SMR3A: variants seen among roughly 807,000 people sequenced by gnomAD.
The protein encoded by SMR3A is submaxillary gland androgen-regulated protein 3A.
For synonymous variants in SMR3A, 48 were observed against 57.4 expected, an observed-to-expected ratio of 0.84 and a Z score of 0.74; for missense variants, 188 against 163.0, an observed-to-expected ratio of 1.15 and a Z score of -0.84.
chr4:70,365,029 C>G (rs925722975), intron 2 of SMR3A, among the ~76,000 whole-genome samples: 4 of 151,984 alleles, frequency 2.6e-5, no homozygotes, highest in South Asian at 2.1e-4. Context: ...TCCAAGCAAC[C>G]TGGAGTTCTT....
At chr4:70,362,636 T>A (rs1226750289) in intron 2 of SMR3A, among the ~76,000 whole-genome samples, 1 of 151,828 alleles carries the variant, frequency 6.6e-6, no homozygotes, top group Non-Finnish European at 1.5e-5. Context: ...GAGGAAATAA[T>A]AAACATTTAT....
In SMR3A at chr4:70,366,656, C is replaced by T; in HGVS notation, c.67C>T (p.Gln23Ter). The change falls in exon 3 of 3, where the codon CAA (glutamine) becomes TAA (stop). Residue 23 changes from glutamine to a stop codon, truncating the protein, a stop_gained. Coordinates refer to ENST00000226460, the MANE Select transcript of SMR3A (RefSeq NM_012390.4). LOFTEE classifies it low-confidence loss of function (END_TRUNC). The stretch of plus-strand genomic sequence containing the variant: ...TTTGTTTCCACAGCCTGGTGAGAGT[C>T]AAAGAGGCCCCAGGGGACCATATCC... Reference protein sequence around the residue: ...LAACFTPGESQRGPRGPYPPG... With the variant: ...LAACFTPGES The T allele has an allele frequency of 6.2e-7, 1 of 1,606,296 alleles. No homozygotes were observed. The highest frequency in any genetic ancestry group is 8.5e-7 in the Non-Finnish European group (1 of 1,175,814).
At chr4:70,365,098 T>C (rs953021203) in intron 2 of SMR3A, among the ~76,000 whole-genome samples, 3 of 152,058 alleles carry the variant, frequency 2.0e-5, no homozygotes, top group Non-Finnish European at 4.4e-5. Context: ...TTTCCTTCTA[T>C]TTGGCATGCT....
intron 1 of SMR3A, among the ~76,000 whole-genome samples, chr4:70,361,652 G>A (rs538419794): frequency 8.3e-4 from 126 of 151,660 alleles, no homozygotes; most frequent in Non-Finnish European, 1.7e-3. Context: ...ATATCCCAAG[G>A]AATTACACTA....
At chr4:70,364,372 G>A (rs964138418) in intron 2 of SMR3A, among the ~76,000 whole-genome samples, 1 of 151,926 alleles carries the variant, frequency 6.6e-6, no homozygotes, top group Non-Finnish European at 1.5e-5. Context: ...CAAGAAAGAT[G>A]ATAAGAAGTG....
chr4:70,363,720 T>C (rs1305969650), intron 2 of SMR3A, among the ~76,000 whole-genome samples: 1 of 152,052 alleles, frequency 6.6e-6, no homozygotes, highest in Non-Finnish European at 1.5e-5. Context: ...AGATATTTAC[T>C]ATGAAGATTT....
At position 70,366,686 on chromosome 4, in the gene SMR3A, G is replaced by T; in HGVS notation, c.97G>T (p.Gly33Ter). ...AGGCCCCAGGGGACCATATCCACCTGGACCACTGGCTCCTCCTCCTCCACC... is the reference window on the plus strand; with the variant it reads ...AGGCCCCAGGGGACCATATCCACCTTGACCACTGGCTCCTCCTCCTCCACC... ...QRGPRGPYPP[G>*]PLAPPPPPCF... is the part of the protein sequence containing the mutation. Residue 33 changes from glycine (G) to a stop codon, truncating the protein, a stop_gained, in exon 3 of 3, where the codon GGA becomes TGA. Transcript: ENST00000226460. LOFTEE classifies it low-confidence loss of function (END_TRUNC). 6.2e-7 allele frequency: 1 copy of T among 1,612,950 alleles called. No homozygotes were observed. The highest frequency in any genetic ancestry group is 2.2e-5 in the East Asian group (1 of 44,798).
chr4:70,366,591 T>C (rs1732266231), intron 2 of SMR3A, 53 bp from the exon 3 acceptor site: 5 of 1,466,540 alleles, frequency 3.4e-6, no homozygotes, highest in Non-Finnish European at 4.6e-6. Flanking sequence ...TTCACCCTTA[T>C]ATTTAACTGT....
intron 2 of SMR3A, among the ~76,000 whole-genome samples, chr4:70,365,000 C>T (rs936571036): frequency 7.2e-5 from 11 of 151,856 alleles, no homozygotes; most frequent in South Asian, 6.2e-4. Flanking sequence ...TAGTTTTGTG[C>T]CCTATATAAA....
chr4:70,365,741 T>G lies in SMR3A; in HGVS notation c.55-903T>G, dbSNP rs770175768. Among the ~76,000 whole-genome samples, 31 of 152,064 alleles carry G rather than the reference T, an allele frequency of 2.0e-4. 1 individual carries two copies. The highest frequency in any genetic ancestry group is 2.9e-5 in the Non-Finnish European group (2 of 67,982). On this transcript the variant is annotated intron_variant, in intron 2 of 2. Coordinates refer to ENST00000226460, the MANE Select transcript of SMR3A (RefSeq NM_012390.4). ...AACTGCCAGGTTGACATTCATGACATGAATGAACCAGCTCCTTCATTAGCT... is the reference window on the plus strand; with the variant it reads ...AACTGCCAGGTTGACATTCATGACAGGAATGAACCAGCTCCTTCATTAGCT...
chr4:70,360,936 C>T (rs1732136089), intron 1 of SMR3A, 94 bp downstream of exon 1: 1 of 151,824 alleles, frequency 6.6e-6, no homozygotes, highest in African/African-American at 2.4e-5. Context: ...ACATAAGCAC[C>T]TTCACCTTAT....
At chr4:70,365,023 A>G (rs1441255078) in intron 2 of SMR3A, among the ~76,000 whole-genome samples, 1 of 152,018 alleles carries the variant, frequency 6.6e-6, no homozygotes, top group African/African-American at 2.4e-5. Context: ...ATCTGCTCCA[A>G]GCAACCTGGA....
chr4:70,366,803 G>A lies in SMR3A; in HGVS notation c.214G>A (p.Gly72Ser), dbSNP rs202149994. Residue 72 changes from glycine (G) to serine (S), a missense_variant, in exon 3 of 3, where the codon GGT (glycine) becomes AGT (serine). Coordinates refer to ENST00000226460, the MANE Select transcript of SMR3A (RefSeq NM_012390.4). ...RFPPPLSPPY[G>S]PGRIPPSPPP... Reference sequence around the variant, plus strand: ...TCCACCACCCCTTTCTCCACCCTATGGTCCAGGGAGAATCCCACCATCCCC... The same window carrying A: ...TCCACCACCCCTTTCTCCACCCTATAGTCCAGGGAGAATCCCACCATCCCC... 9.3e-5 allele frequency: 150 copies of A among 1,613,160 alleles called. 2 individuals are homozygous for A. In the East Asian group the frequency reaches 3.3e-3, roughly 36 times the overall value.
intron 2 of SMR3A, among the ~76,000 whole-genome samples, chr4:70,364,052 T>C (rs1732205062): frequency 6.6e-6 from 1 of 151,916 alleles, no homozygotes; most frequent in Non-Finnish European, 1.5e-5. Flanking sequence ...TTTACCGGCA[T>C]GTTAAGGGCA....
At chr4:70,362,962 T>C (rs1454418509) in intron 2 of SMR3A, among the ~76,000 whole-genome samples, 1 of 151,952 alleles carries the variant, frequency 6.6e-6, no homozygotes, top group South Asian at 2.1e-4. Flanking sequence ...AATACCTCTT[T>C]CTTCTACTTT....
At chr4:70,362,191 C>T (rs1302489946) in intron 2 of SMR3A, 22 bp downstream of exon 2, 7 of 1,611,482 alleles carry the variant, frequency 4.3e-6, no homozygotes, top group Non-Finnish European at 5.9e-6. Context: ...TAATCACGAT[C>T]ACACATCTTT....
At chr4:70,365,224 C>T (rs944565088) in intron 2 of SMR3A, among the ~76,000 whole-genome samples, 2 of 151,836 alleles carry the variant, frequency 1.3e-5, no homozygotes, top group African/African-American at 4.8e-5. Context: ...GTATTTGTTC[C>T]TTGCACTACT....
intron 2 of SMR3A, among the ~76,000 whole-genome samples, chr4:70,366,217 C>T (rs1732257331): frequency 6.6e-6 from 1 of 151,570 alleles, no homozygotes; most frequent in Non-Finnish European, 1.5e-5. Context: ...AAGGTGTGTC[C>T]ATTGCTGTAT....
intron 2 of SMR3A, among the ~76,000 whole-genome samples, chr4:70,363,435 T>G (rs1290657258): frequency 6.6e-6 from 1 of 152,004 alleles, no homozygotes; most frequent in African/African-American, 2.4e-5. Context: ...ATTTTCCAAA[T>G]GCATTACATA....
Sources: allele counts gnomAD v4.1 joint callset (sites outside exome capture counted in the v4.1 genomes callset), GRCh38; gene constraint gnomAD v4.1.1; transcripts MANE v1.5; gene names NCBI Gene and HGNC (gene_info 2026-07-23, HGNC 2026-07-21).